The following CRLF3 variants were observed in gnomAD, a reference collection of about 807,000 sequenced individuals.
CRLF3 encodes the protein cytokine receptor like factor 3, also known as cytokine receptor-like factor 3.
Under a neutral mutation model 55.0 loss-of-function variants are expected in CRLF3, and 33 were observed. That is an observed-to-expected ratio of 0.60 (90% CI 0.46 to 0.80). The LOEUF is 0.80. Among genes scored for constraint, CRLF3 ranks in the 30% least tolerant of loss-of-function variants. The probability of loss-of-function intolerance (pLI) is 0.00; values close to 1 mark genes in which losing one functional copy is unlikely to be tolerated. For missense variants in CRLF3, 494 were observed against 538.4 expected (o/e 0.92, Z 0.82); for synonymous variants, 238 against 196.8 (o/e 1.21, Z -1.75).
At position 30,792,452 on chromosome 17, in the gene CRLF3, G is replaced by A; in HGVS notation, c.947C>T (p.Thr316Ile). Residue 316 changes from threonine (T) to isoleucine (I), a missense_variant, in exon 6 of 8, where the codon ACA becomes ATA. By Grantham distance (89) the Thr-to-Ile change is moderately conservative. Transcript: ENST00000324238. The stretch of plus-strand genomic sequence containing the variant: ...AATATCTACTTGCCTGAATGTTAAT[G>A]TCTGCCCACAGAAATAAGTCGGAGC... ...SRAPTYFCGQ[T>I]LTFRVETVGQ... 6.2e-7 allele frequency: 1 copy of A among 1,610,992 alleles called. No individual in the cohort carries two copies. The highest frequency in any genetic ancestry group is 2.2e-5 in the East Asian group (1 of 44,798).
At chr17:30,817,105 C>T (rs1904831398) in intron 1 of CRLF3, among the ~76,000 whole-genome samples, 1 of 152,028 alleles carries the variant, frequency 6.6e-6, no homozygotes, top group African/African-American at 2.4e-5. Flanking sequence ...AACAAATGTT[C>T]CTTTAAATAT....
At chr17:30,814,420 G>A (rs544603894) in intron 1 of CRLF3, among the ~76,000 whole-genome samples, 5 of 152,144 alleles carry the variant, frequency 3.3e-5, no homozygotes, top group African/African-American at 9.6e-5. Flanking sequence ...TTGTGAGGCC[G>A]AGGCAGGCGG....
intron 1 of CRLF3, among the ~76,000 whole-genome samples, chr17:30,815,541 CTTTTT>C (rs57194440): frequency 8.6e-6 from 1 of 116,410 alleles, no homozygotes; most frequent in Non-Finnish European, 1.7e-5. Flanking sequence ...CTAGTTTCTT[CTTTTT>C]TTTTTTTTTT....
intron 7 of CRLF3, chr17:30,785,129 T>TA (rs1236137054): frequency 3.5e-5 from 5 of 141,448 alleles, no homozygotes; most frequent in Non-Finnish European, 7.6e-5. Flanking sequence ...CTCACACTGT[T>TA]ACCTGGCATG....
Position 30,792,573 on chromosome 17 carries a change from C to A in CRLF3, c.827-1G>T. On this transcript the variant is annotated splice_acceptor_variant, in intron 5 of 7. Transcript: ENST00000324238. LOFTEE classifies it high-confidence loss of function. The stretch of plus-strand genomic sequence containing the variant: ...TACCCCTCAAAACCAGCTGTCCACT[C>A]TTTTTCAAAGCAAAGATATTGAAAA... 2 of 1,590,956 alleles carry A rather than the reference C, an allele frequency of 1.3e-6. No individual in the cohort carries two copies. The highest frequency in any genetic ancestry group is 1.7e-6 in the Non-Finnish European group (2 of 1,161,126).
intron 1 of CRLF3, among the ~76,000 whole-genome samples, chr17:30,804,781 G>A (rs1414098930): frequency 6.6e-6 from 1 of 152,200 alleles, no homozygotes; most frequent in Non-Finnish European, 1.5e-5. Context: ...CTTCAAGTCA[G>A]ATAGAATAAG....
intron 3 of CRLF3, among the ~76,000 whole-genome samples, chr17:30,796,928 T>G (rs911287129): frequency 2.6e-5 from 4 of 151,892 alleles, no homozygotes; most frequent in African/African-American, 9.7e-5. Flanking sequence ...TGAGATGGAG[T>G]CTTGCTGTTG....
chr17:30,824,056 T>G (rs1297210611), intron 1 of CRLF3, among the ~76,000 whole-genome samples: 6 of 152,020 alleles, frequency 3.9e-5, no homozygotes, highest in African/African-American at 7.3e-5. Flanking sequence ...CTCTCGCCCC[T>G]TAGTCCTCCC....
chr17:30,814,307 T>C (rs936239812), intron 1 of CRLF3, among the ~76,000 whole-genome samples: 1 of 151,410 alleles, frequency 6.6e-6, no homozygotes, highest in Non-Finnish European at 1.5e-5. Flanking sequence ...TTATATTTGT[T>C]TGGCTTTTTA....
rs748963665 is a variant in CRLF3, at chr17:30,793,487, A to G, written c.789T>C (p.Ser263=). Residue 263 remains serine (S), a synonymous_variant, in exon 5 of 8, where the codon AGT becomes AGC. Transcript: ENST00000324238. ...ATGTGGAATGACCTATCTGGGGGAC[A>G]CTCCAAGGACTCCACTCCTGTCGGC... ...GDGRQEWSPW[S]VPQIGHSTLV... is the part of the protein sequence containing the mutation. The G allele has an allele frequency of 3.1e-6, 5 of 1,613,914 alleles. No homozygotes were observed. In the Admixed American group the frequency reaches 5.0e-5, roughly 16 times the overall value.
chr17:30,820,855 G>C (rs1471193565), intron 1 of CRLF3, among the ~76,000 whole-genome samples: 1 of 146,850 alleles, frequency 6.8e-6, no homozygotes, highest in Non-Finnish European at 1.5e-5. Context: ...GGAAGAAACT[G>C]TCTGGGAAAC....
chr17:30,821,062 A>C (rs1348194296), intron 1 of CRLF3, among the ~76,000 whole-genome samples: 2 of 151,280 alleles, frequency 1.3e-5, no homozygotes, highest in African/African-American at 4.9e-5. Context: ...CTCAAAAAAA[A>C]AAAAGAGGCT....
chr17:30,784,113 A>G lies in CRLF3; in HGVS notation c.*74T>C. 7.6e-7 allele frequency: 1 copy of G among 1,314,852 alleles called. No homozygotes were observed. Among genetic ancestry groups the G allele is most frequent in the Non-Finnish European group, 1.0e-6 (1 of 959,386 alleles). The allele number at this position is 1,314,852 out of a possible 1,614,324, so 81.4% of individuals were successfully genotyped here. ...TAGAGATGAATTCAACTTTTTTTTT[A>G]AAGCAATTACAACTACGCTGGGCTG... is the stretch of plus-strand genomic sequence containing the variant. On this transcript the variant is annotated 3_prime_UTR_variant, in exon 8 of 8. Transcript: ENST00000324238.
In CRLF3 at chr17:30,824,652, C is replaced by A; in HGVS notation, c.-1G>T. 8.2e-6 allele frequency: 13 copies of A among 1,590,022 alleles called. No homozygotes were observed. Among genetic ancestry groups the A allele is most frequent in the Non-Finnish European group, 1.1e-5 (13 of 1,173,490 alleles). ...GCTCCAGCTCCATCGCCCCCCTCAT[C>A]TGGCCGCGCGGCCGGCGAAACCTAG... On this transcript the variant is annotated 5_prime_UTR_variant, in exon 1 of 8. Coordinates refer to ENST00000324238, the MANE Select transcript of CRLF3 (RefSeq NM_015986.4).
At chr17:30,786,087 A>G (rs1971641162) in intron 6 of CRLF3, 56 bp from the exon 7 acceptor site, 1 of 941,992 alleles carries the variant, frequency 1.1e-6, no homozygotes, top group South Asian at 1.4e-5. Flanking sequence ...CATGAATGAT[A>G]CTTAACAGCC....
chr17:30,789,635 C>A (rs1184650916), intron 6 of CRLF3, among the ~76,000 whole-genome samples: 1 of 152,178 alleles, frequency 6.6e-6, no homozygotes, highest in Non-Finnish European at 1.5e-5. Flanking sequence ...TAAATAACTT[C>A]TCTATGCCTC....
intron 6 of CRLF3, among the ~76,000 whole-genome samples, chr17:30,788,816 C>T (rs1464924779): frequency 1.3e-5 from 2 of 151,774 alleles, no homozygotes; most frequent in Non-Finnish European, 2.9e-5. Context: ...CCATATTGGC[C>T]AGGCTGGTCT....
At chr17:30,811,192 C>T (rs776357637) in intron 1 of CRLF3, among the ~76,000 whole-genome samples, 3 of 152,054 alleles carry the variant, frequency 2.0e-5, no homozygotes, top group Non-Finnish European at 2.9e-5. Flanking sequence ...CAGTGGCTTA[C>T]GCCTGTAATC....
intron 1 of CRLF3, among the ~76,000 whole-genome samples, chr17:30,811,839 G>A (rs1164388089): frequency 2.7e-5 from 4 of 145,768 alleles, no homozygotes; most frequent in East Asian, 4.1e-4. Flanking sequence ...GGCCAGGTGC[G>A]GTGGCTCACG....
Sources: gnomAD v4.1 joint callset for allele counts (sites outside exome capture counted in the v4.1 genomes callset) on GRCh38, gnomAD v4.1.1 for gene constraint, MANE v1.5 for transcripts, NCBI Gene and HGNC (gene_info 2026-07-23, HGNC 2026-07-21) for gene names.